FAM13A: variants seen among roughly 807,000 people sequenced by gnomAD.
FAM13A encodes protein FAM13A.
In FAM13A, 76 loss-of-function variants were observed where a neutral mutation model predicts 129.6. The ratio of observed to expected loss-of-function variants is 0.59; its 90% CI spans 0.49 to 0.71. The LOEUF is 0.71. Among genes scored for constraint, FAM13A ranks in the 30% least tolerant of loss-of-function variants. The pLI is 0.00. For synonymous variants in FAM13A, 443 were observed against 449.9 expected (o/e 0.98, Z 0.20); for missense variants, 1,108 against 1,249.3 (o/e 0.89, Z 1.70).
At chr4:88,754,325 T>A (rs1216087040) in intron 14 of FAM13A, among the ~76,000 whole-genome samples, 2 of 152,160 alleles carry the variant, frequency 1.3e-5, no homozygotes, top group African/African-American at 2.4e-5. Context: ...ATAGTACACA[T>A]GGATATAACG....
chr4:88,890,351 C>T (rs1745117320), intron 6 of FAM13A, among the ~76,000 whole-genome samples: 1 of 152,152 alleles, frequency 6.6e-6, no homozygotes, highest in African/African-American at 2.4e-5. Context: ...GCTGGATCCT[C>T]CGAACCAGGG....
intron 3 of FAM13A, among the ~76,000 whole-genome samples, chr4:89,011,737 T>C (rs983404197): frequency 3.9e-5 from 6 of 152,184 alleles, no homozygotes; most frequent in Non-Finnish European, 8.8e-5. Flanking sequence ...TTAAAAGATT[T>C]TCCTCTCCAT....
At chr4:88,792,429 T>TA (rs945624316) in intron 8 of FAM13A, among the ~76,000 whole-genome samples, 17 of 152,092 alleles carry the variant, frequency 1.1e-4, no homozygotes, top group African/African-American at 3.4e-4. Context: ...TGCTTTTAAT[T>TA]ACAACAATTT....
Position 88,917,021 on chromosome 4 carries a change from C to T in FAM13A, c.760-10559G>A, listed in dbSNP as rs192500542. Among the ~76,000 whole-genome samples, 316 of 152,238 alleles carry T rather than the reference C, an allele frequency of 2.1e-3. 2 individuals carry two copies. The highest frequency in any genetic ancestry group is 7.0e-3 in the African/African-American group (292 of 41,536). On this transcript the variant is annotated intron_variant, in intron 5 of 23. Coordinates refer to ENST00000264344, the MANE Select transcript of FAM13A (RefSeq NM_014883.4). ...ATGGTTGAATAACTGAATAGACTGACGAGTCAAAAACAACCTCTTCTGACT... is the reference window on the plus strand; with the variant it reads ...ATGGTTGAATAACTGAATAGACTGATGAGTCAAAAACAACCTCTTCTGACT...
chr4:88,979,166 TTATTA>T (rs1262400394), intron 4 of FAM13A, among the ~76,000 whole-genome samples: 5 of 152,196 alleles, frequency 3.3e-5, no homozygotes, highest in Admixed American at 3.3e-4. Flanking sequence ...ACAATTTCAT[TTATTA>T]TATTGGCAAA....
chr4:88,948,060 G>A (rs1756246439), intron 4 of FAM13A, among the ~76,000 whole-genome samples: 2 of 152,076 alleles, frequency 1.3e-5, no homozygotes, highest in South Asian at 4.1e-4. Context: ...CACTGCTCTT[G>A]TCCCTCCAGT....
At position 88,996,425 on chromosome 4, in the gene FAM13A, C is replaced by T. The variant is rs141215535; in HGVS notation, c.428-5275G>A. On this transcript the variant is annotated intron_variant, in intron 3 of 23. Transcript: ENST00000264344. ...GGCTGATGCTGACGGGATGGTTAGA[C>T]GTGGGGGCGGATTCAGAATGCAGTT... Among the ~76,000 whole-genome samples the T allele has an allele frequency of 4.6e-3, 706 of 152,250 alleles. 7 individuals carry two copies. The highest frequency in any genetic ancestry group is 0.016 in the African/African-American group (675 of 41,550).
At chr4:88,764,023 TATAA>T (rs746965304) in intron 13 of FAM13A, among the ~76,000 whole-genome samples, 5 of 152,234 alleles carry the variant, frequency 3.3e-5, no homozygotes, top group Admixed American at 6.5e-5. Flanking sequence ...TCATCCATTC[TATAA>T]ATACTTTTCA....
chr4:88,822,257 C>T (rs1460294157), intron 7 of FAM13A, among the ~76,000 whole-genome samples: 2 of 152,154 alleles, frequency 1.3e-5, no homozygotes, highest in Non-Finnish European at 2.9e-5. Context: ...TCCATGCCTA[C>T]ATTCTTCACT....
At chr4:88,957,250 T>A (rs1757895172) in intron 4 of FAM13A, among the ~76,000 whole-genome samples, 1 of 151,836 alleles carries the variant, frequency 6.6e-6, no homozygotes. Flanking sequence ...CACTTCAACC[T>A]GGGAGGTGGA....
At chr4:88,883,883 C>T (rs754081602) in intron 6 of FAM13A, among the ~76,000 whole-genome samples, 14 of 151,932 alleles carry the variant, frequency 9.2e-5, no homozygotes, top group Non-Finnish European at 2.1e-4. Context: ...ACGATAAACA[C>T]GTTTACACAC....
intron 3 of FAM13A, among the ~76,000 whole-genome samples, chr4:89,018,126 T>C (rs1766759591): frequency 6.6e-6 from 1 of 152,160 alleles, no homozygotes; most frequent in Non-Finnish European, 1.5e-5. Context: ...TTGTGTTCCC[T>C]CCAAAATTCA....
At chr4:88,978,978 A>G (rs1761286546) in intron 4 of FAM13A, among the ~76,000 whole-genome samples, 1 of 152,224 alleles carries the variant, frequency 6.6e-6, no homozygotes, top group Non-Finnish European at 1.5e-5. Flanking sequence ...ACAACAATAC[A>G]TTAATAGTTG....
intron 8 of FAM13A, among the ~76,000 whole-genome samples, chr4:88,802,596 G>T (rs1181978117): frequency 6.6e-6 from 1 of 152,158 alleles, no homozygotes; most frequent in Non-Finnish European, 1.5e-5. Context: ...TGTTCAATGA[G>T]AATATCACAT....
chr4:89,000,601 T>A (rs562972762), intron 3 of FAM13A, among the ~76,000 whole-genome samples: 21 of 152,280 alleles, frequency 1.4e-4, no homozygotes, highest in African/African-American at 5.1e-4. Context: ...GAAAGTTAGA[T>A]AATGGTGATG....
chr4:88,730,806 G>C (rs1737562797), intron 23 of FAM13A, among the ~76,000 whole-genome samples: 1 of 152,114 alleles, frequency 6.6e-6, no homozygotes, highest in Non-Finnish European at 1.5e-5. Context: ...TGTTTCTCTA[G>C]CTCCTTTTAT....
intron 5 of FAM13A, among the ~76,000 whole-genome samples, chr4:88,935,845 C>G (rs1753765168): frequency 6.6e-6 from 1 of 152,136 alleles, no homozygotes. Context: ...TTCATCCTTA[C>G]TCGTTACGAT....
intron 6 of FAM13A, among the ~76,000 whole-genome samples, chr4:88,870,105 C>T (rs1741096330): frequency 7.3e-6 from 1 of 137,834 alleles, no homozygotes. Flanking sequence ...CTTAAAGTAA[C>T]TAAACATTTC....
intron 4 of FAM13A, among the ~76,000 whole-genome samples, chr4:88,940,812 G>C (rs1426671363): frequency 1.3e-5 from 2 of 152,176 alleles, no homozygotes; most frequent in Non-Finnish European, 2.9e-5. Context: ...AGATGGAAAA[G>C]GGATTATTTT....
Sources: allele counts gnomAD v4.1 joint callset (sites outside exome capture counted in the v4.1 genomes callset), GRCh38; gene constraint gnomAD v4.1.1; transcripts MANE v1.5; gene names NCBI Gene and HGNC (gene_info 2026-07-23, HGNC 2026-07-21).